Variants in KHDRBS2 observed in about 807,000 individuals in gnomAD.
KHDRBS2 encodes KH RNA binding domain containing, signal transduction associated 2.
In KHDRBS2, 26 loss-of-function variants were observed where a neutral mutation model predicts 44.3. The ratio of observed to expected loss-of-function variants is 0.59; its 90% confidence interval spans 0.43 to 0.81. KHDRBS2 has a LOEUF of 0.81. KHDRBS2 is among the 40% of genes least tolerant of loss of function. KHDRBS2 has a pLI of 0.00. For missense variants in KHDRBS2, 476 were observed against 433.1 expected, an observed-to-expected ratio of 1.10 and a Z score of -0.88; for synonymous variants, 194 against 151.1, an observed-to-expected ratio of 1.28 and a Z score of -2.08.
rs200474893 is a variant in KHDRBS2 at position 61,993,673 on chromosome 6, A to ATTT, written c.337-15464_337-15462dup. ...ATCATATATATATATATATATATAT[A>ATTT]TTTTTTTTTTTTGATGTGAGCTTAT... On this transcript the variant is annotated intron_variant, in intron 3 of 8. Transcript: ENST00000281156. 1.2e-3 allele frequency among the ~76,000 whole-genome samples: 135 copies of ATTT among 115,676 alleles called. 2 individuals are homozygous for ATTT. The highest frequency in any genetic ancestry group is 4.6e-3 in the Middle Eastern group (1 of 218). 75.9% of individuals were successfully genotyped at this position (115,676 alleles called of 152,430 possible).
rs532619477 is a variant in KHDRBS2, at chr6:62,134,374, C to T, written c.219+42811G>A. On this transcript the variant is annotated intron_variant, in intron 2 of 8. Coordinates refer to ENST00000281156, the MANE Select transcript of KHDRBS2 (RefSeq NM_152688.4). The stretch of plus-strand genomic sequence containing the variant: ...AAGTCAAGAACTGAGGTTTGGGAAC[C>T]TCTGCCTAGATTTCAGAGGATGTAT... Among the ~76,000 whole-genome samples the T allele has an allele frequency of 1.7e-4, 26 of 152,278 alleles. No homozygotes were observed. In the South Asian group the frequency reaches 2.5e-3, roughly 15 times the overall value.
chr6:61,618,679 T>C, the KHDRBS2 span, among the ~76,000 whole-genome samples: 2 of 152,340 alleles, frequency 1.3e-5, no homozygotes, highest in Middle Eastern at 3.4e-3. Context: ...TCTGTACATG[T>C]GTTCTCATCA....
At chr6:62,026,184 T>C (rs1309967632) in intron 3 of KHDRBS2, among the ~76,000 whole-genome samples, 1 of 151,604 alleles carries the variant, frequency 6.6e-6, no homozygotes, top group African/African-American at 2.4e-5. Flanking sequence ...ATATTAATAT[T>C]TATACTTCTC....
intron 1 of KHDRBS2, among the ~76,000 whole-genome samples, chr6:62,189,433 T>C (rs2150130415): frequency 6.6e-6 from 1 of 152,204 alleles, no homozygotes; most frequent in African/African-American, 2.4e-5. Context: ...TCCTTAACTA[T>C]GGAAACAGCC....
chr6:61,637,204 A>C, the KHDRBS2 span, among the ~76,000 whole-genome samples: 12 of 150,962 alleles, frequency 7.9e-5, no homozygotes, highest in African/African-American at 2.4e-4. Context: ...CCACAACAGT[A>C]CCCAGAGTGT....
At chr6:62,224,650 A>C (rs1013349953) in intron 1 of KHDRBS2, among the ~76,000 whole-genome samples, 2 of 152,188 alleles carry the variant, frequency 1.3e-5, no homozygotes, top group African/African-American at 2.4e-5. Context: ...CTCCTATGTA[A>C]TATTTAAAAA....
chr6:61,873,078 TAGG>T (rs1387400960), intron 6 of KHDRBS2, among the ~76,000 whole-genome samples: 1 of 151,988 alleles, frequency 6.6e-6, no homozygotes, highest in Non-Finnish European at 1.5e-5. Flanking sequence ...AAAGATAACA[TAGG>T]AGAAGATTTT....
At chr6:61,709,477 A>C (rs1052188840) in intron 7 of KHDRBS2, among the ~76,000 whole-genome samples, 2 of 151,634 alleles carry the variant, frequency 1.3e-5, no homozygotes, top group African/African-American at 4.8e-5. Context: ...ATAAGAAGGA[A>C]ATATATTTAT....
At chr6:62,197,172 T>C (rs1223714354) in intron 1 of KHDRBS2, among the ~76,000 whole-genome samples, 1 of 152,156 alleles carries the variant, frequency 6.6e-6, no homozygotes, top group Non-Finnish European at 1.5e-5. Context: ...AAAATGGGTA[T>C]TAAATTATAG....
rs1189033711 is a variant in KHDRBS2, at chr6:61,788,983, T to C, written c.811-56219A>G. The stretch of plus-strand genomic sequence containing the variant: ...AAGATTTCCAAACTGAAAATTCTAG[T>C]GTTTTAATCATCGCTTTATCACTTA... On this transcript the variant is annotated intron_variant, in intron 6 of 8. Coordinates refer to ENST00000281156, the MANE Select transcript of KHDRBS2 (RefSeq NM_152688.4). Among the ~76,000 whole-genome samples the C allele has an allele frequency of 7.9e-5, 12 of 151,408 alleles. No homozygotes were observed. The Admixed American group carries it at 7.9e-4, about 10-fold the overall frequency.
intron 2 of KHDRBS2, among the ~76,000 whole-genome samples, chr6:62,121,914 G>A (rs1807741873): frequency 2.6e-5 from 4 of 152,146 alleles, no homozygotes; most frequent in African/African-American, 9.7e-5. Context: ...GTCAAGATAT[G>A]CCTTCTAAGG....
At chr6:62,204,427 G>A (rs1184624898) in intron 1 of KHDRBS2, among the ~76,000 whole-genome samples, 1 of 152,210 alleles carries the variant, frequency 6.6e-6, no homozygotes, top group Middle Eastern at 3.4e-3. Context: ...AAACTGGTTG[G>A]GACCAGAAGA....
chr6:62,074,833 CTCTGA>C (rs1164526324), intron 2 of KHDRBS2, among the ~76,000 whole-genome samples: 2 of 151,780 alleles, frequency 1.3e-5, no homozygotes, highest in African/African-American at 4.8e-5. Flanking sequence ...ATTTTTACTT[CTCTGA>C]ACTACATCCT....
chr6:61,557,350 G>A, the KHDRBS2 span, among the ~76,000 whole-genome samples: 11 of 152,096 alleles, frequency 7.2e-5, no homozygotes, highest in African/African-American at 2.7e-4. Flanking sequence ...AATGAAGAAA[G>A]CGAAATAAAG....
chr6:61,603,958 A>T, the KHDRBS2 span, among the ~76,000 whole-genome samples: 1 of 152,102 alleles, frequency 6.6e-6, no homozygotes, highest in Non-Finnish European at 1.5e-5. Flanking sequence ...ACGCCTAATC[A>T]CCACTCACCA....
In KHDRBS2 at chr6:62,130,777, T is replaced by G. The variant is rs1584875791; in HGVS notation, c.219+46408A>C. Among the ~76,000 whole-genome samples the G allele has an allele frequency of 2.0e-5, 3 of 152,080 alleles. No individual in the cohort carries two copies. In the Middle Eastern group the frequency reaches 0.01, roughly 521 times the overall value. ...TCAGAACACTTACATTAGACTACAGTTGGTCAAAAATGATCTAAAAAAGCC... is the reference window on the plus strand; with the variant it reads ...TCAGAACACTTACATTAGACTACAGGTGGTCAAAAATGATCTAAAAAAGCC... On this transcript the variant is annotated intron_variant, in intron 2 of 8. Transcript: ENST00000281156.
intron 7 of KHDRBS2, among the ~76,000 whole-genome samples, chr6:61,727,134 C>G (rs2127558451): frequency 6.6e-6 from 1 of 152,198 alleles, no homozygotes; most frequent in African/African-American, 2.4e-5. Flanking sequence ...CTACAACCAT[C>G]TGATCTTCTG....
At chr6:62,010,190 T>C (rs367606777) in intron 3 of KHDRBS2, among the ~76,000 whole-genome samples, 79 of 152,292 alleles carry the variant, frequency 5.2e-4, no homozygotes, top group African/African-American at 1.7e-3. Flanking sequence ...ATGTGAGACA[T>C]GGAGTGAGTC....
At chr6:61,861,595 C>A (rs929054890) in intron 6 of KHDRBS2, among the ~76,000 whole-genome samples, 1 of 151,606 alleles carries the variant, frequency 6.6e-6, no homozygotes, top group Non-Finnish European at 1.5e-5. Flanking sequence ...TGTACCAGTA[C>A]CATGCTGTTT....
Sources: gnomAD v4.1 joint callset for allele counts (sites outside exome capture counted in the v4.1 genomes callset) on GRCh38, gnomAD v4.1.1 for gene constraint, MANE v1.5 for transcripts, NCBI Gene and HGNC (gene_info 2026-07-23, HGNC 2026-07-21) for gene names.